SOX5: variants seen among roughly 807,000 people sequenced by gnomAD.
SOX5 encodes the protein SRY-box transcription factor 5.
A neutral mutation model predicts 92.0 loss-of-function variants in SOX5; 9 were observed. That is an observed-to-expected ratio of 0.10 (90% CI 0.06 to 0.17). SOX5 has a LOEUF of 0.17. Among genes scored for constraint, SOX5 ranks in the 10% least tolerant of loss-of-function variants. SOX5 has a pLI of 1.00. For synonymous variants in SOX5, 344 were observed against 336.3 expected, an observed-to-expected ratio of 1.02 and a Z score of -0.25; for missense variants, 642 against 944.5, an observed-to-expected ratio of 0.68 and a Z score of 4.20.
At chr12:24,439,006 AG>A (rs2137153579) in intron 1 of SOX5, among the ~76,000 whole-genome samples, 1 of 152,352 alleles carries the variant, frequency 6.6e-6, no homozygotes, top group African/African-American at 2.4e-5. Flanking sequence ...CTTTCAAGAA[AG>A]GAAGAGTCAA....
chr12:23,790,548 T>TCTCTCTCACA (rs1340837266), intron 3 of SOX5, among the ~76,000 whole-genome samples: 5 of 137,322 alleles, frequency 3.6e-5, no homozygotes, highest in African/African-American at 1.4e-4. Flanking sequence ...TCTCAATCTC[T>TCTCTCTCACA]CACACACACA....
intron 4 of SOX5, among the ~76,000 whole-genome samples, chr12:24,144,073 C>G (rs1348535571): frequency 6.6e-6 from 1 of 151,142 alleles, no homozygotes; most frequent in Non-Finnish European, 1.5e-5. Flanking sequence ...AAAAATCCCA[C>G]AAGCAGCCAG....
At chr12:23,572,344 T>G (rs550895559) in intron 10 of SOX5, among the ~76,000 whole-genome samples, 6 of 152,226 alleles carry the variant, frequency 3.9e-5, no homozygotes, top group African/African-American at 1.4e-4. Flanking sequence ...TTATTACTCA[T>G]TAAAGTTTCA....
chr12:23,729,884 A>C (rs1247115302), intron 6 of SOX5, among the ~76,000 whole-genome samples: 2 of 152,188 alleles, frequency 1.3e-5, no homozygotes. Flanking sequence ...ATTATTGAAA[A>C]GGAGTAAGAA....
chr12:24,516,900 CT>C (rs1369131993), intron 1 of SOX5, among the ~76,000 whole-genome samples: 1 of 152,030 alleles, frequency 6.6e-6, no homozygotes, highest in Non-Finnish European at 1.5e-5. Flanking sequence ...AAATGTATTC[CT>C]TTGTATCCTT....
intron 1 of SOX5, among the ~76,000 whole-genome samples, chr12:23,936,932 A>G (rs1942697538): frequency 6.6e-6 from 1 of 150,918 alleles, no homozygotes; most frequent in African/African-American, 2.4e-5. Flanking sequence ...CACATTTCAA[A>G]CTTTTAATAA....
chr12:23,873,305 CA>C (rs11295934), intron 2 of SOX5, among the ~76,000 whole-genome samples: 86,949 of 149,264 alleles, frequency 0.58, 25,124 homozygotes, highest in East Asian at 0.78. Context: ...ACTGTCTCTC[CA>C]AAAAAAAAAG....
chr12:24,552,861 T>G (rs1953336400), intron 1 of SOX5, among the ~76,000 whole-genome samples: 1 of 152,052 alleles, frequency 6.6e-6, no homozygotes, highest in South Asian at 2.1e-4. Context: ...AAACTCCATC[T>G]CTACCCAAAA....
At chr12:23,694,601 T>A (rs1646384270) in intron 6 of SOX5, among the ~76,000 whole-genome samples, 1 of 152,128 alleles carries the variant, frequency 6.6e-6, no homozygotes, top group African/African-American at 2.4e-5. Flanking sequence ...TAATGTAATT[T>A]ATGTGAAAAA....
At chr12:23,801,469 G>A (rs185935376) in intron 3 of SOX5, among the ~76,000 whole-genome samples, 3 of 152,216 alleles carry the variant, frequency 2.0e-5, no homozygotes, top group Non-Finnish European at 4.4e-5. Flanking sequence ...TATCTATCAT[G>A]CTAAAGACCA....
intron 4 of SOX5, among the ~76,000 whole-genome samples, chr12:24,027,110 C>G (rs961864537): frequency 6.6e-6 from 1 of 151,966 alleles, no homozygotes; most frequent in Non-Finnish European, 1.5e-5. Flanking sequence ...AATTCCACAG[C>G]CTATCTGCAA....
chr12:24,285,974 C>G (rs1393738949), intron 2 of SOX5, among the ~76,000 whole-genome samples: 2 of 152,088 alleles, frequency 1.3e-5, no homozygotes, highest in African/African-American at 2.4e-5. Context: ...CAAATTTGAA[C>G]TAGAATCTGT....
Position 24,553,907 on chromosome 12 carries a change from C to T in SOX5, c.-251+8422G>A, listed in dbSNP as rs185286935. Among the ~76,000 whole-genome samples the T allele has an allele frequency of 4.0e-4, 61 of 152,262 alleles. 1 individual carries two copies. In the East Asian group the frequency reaches 8.7e-3, roughly 22 times the overall value. ...TGCATGAAAATTATCACTTTAGTTC[C>T]TGGTTGGATGTGGAAAAGACACTCC... is the stretch of plus-strand genomic sequence containing the variant. On this transcript the variant is annotated intron_variant, in intron 1 of 4. Coordinates refer to the SOX5 transcript ENST00000446891.
At chr12:23,685,575 T>TA (rs2087389608) in intron 6 of SOX5, among the ~76,000 whole-genome samples, 1 of 152,084 alleles carries the variant, frequency 6.6e-6, no homozygotes, top group Non-Finnish European at 1.5e-5. Flanking sequence ...GTTAGTCTAG[T>TA]AAGAACCTTA....
intron 6 of SOX5, among the ~76,000 whole-genome samples, chr12:23,701,105 A>G (rs1271045898): frequency 6.6e-6 from 1 of 151,982 alleles, no homozygotes; most frequent in African/African-American, 2.4e-5. Flanking sequence ...AGATTTTTGA[A>G]TTACCTCAGG....
At chr12:23,922,571 C>T (rs1236447774) in intron 1 of SOX5, among the ~76,000 whole-genome samples, 2 of 152,180 alleles carry the variant, frequency 1.3e-5, no homozygotes, top group Non-Finnish European at 2.9e-5. Context: ...TTCATATGCA[C>T]AGGTGAAGTT....
chr12:23,828,404 AT>A (rs2096265800), intron 3 of SOX5, among the ~76,000 whole-genome samples: 1 of 152,178 alleles, frequency 6.6e-6, no homozygotes, highest in Non-Finnish European at 1.5e-5. Context: ...TTTCTATATC[AT>A]TTTTTAAAAT....
At chr12:24,357,196 T>G (rs1185814287) in intron 2 of SOX5, 1 of 152,180 alleles carries the variant, frequency 6.6e-6, no homozygotes, top group Admixed American at 6.5e-5. Flanking sequence ...ATTGGGTTAT[T>G]TATCTTCCTG....
At chr12:24,035,786 C>T (rs887785275) in intron 4 of SOX5, among the ~76,000 whole-genome samples, 1 of 151,934 alleles carries the variant, frequency 6.6e-6, no homozygotes, top group Non-Finnish European at 1.5e-5. Context: ...GCTGCCGTCC[C>T]CTTCTCTCAT....
Sources: gnomAD v4.1 joint callset for allele counts (sites outside exome capture counted in the v4.1 genomes callset) on GRCh38, gnomAD v4.1.1 for gene constraint, MANE v1.5 for transcripts, NCBI Gene and HGNC (gene_info 2026-07-23, HGNC 2026-07-21) for gene names.